EBF3: variants seen among roughly 807,000 people sequenced by gnomAD.
EBF3 encodes the protein transcription factor COE3.
A neutral mutation model predicts 77.1 loss-of-function variants in EBF3; 18 were observed. The observed-to-expected ratio is 0.23, with a 90% confidence interval of 0.16 to 0.35. The LOEUF (loss-of-function observed/expected upper bound fraction) is 0.35. Ranked by LOEUF, EBF3 falls within the 10% of genes least tolerant of loss-of-function variation. EBF3 has a pLI of 1.00. For missense variants in EBF3, 558 were observed against 860.0 expected (o/e 0.65, Z 4.39); for synonymous variants, 350 against 343.5 (o/e 1.02, Z -0.21).
rs2296547 is a variant in EBF3 at position 129,944,377 on chromosome 10, G to C, written c.554+12881C>G. Among the ~76,000 whole-genome samples the C allele has an allele frequency of 1.1e-4, 17 of 152,304 alleles. No individual in the cohort carries two copies. The East Asian group carries it at 2.9e-3, about 26-fold the overall frequency. ...TCAATGCCAATCAATTCTGAGCCTT[G>C]ATGTTAAATAGGGATCAATACCGCT... On this transcript the variant is annotated intron_variant, in intron 6 of 16. Coordinates refer to ENST00000440978, the MANE Select transcript of EBF3 (RefSeq NM_001375380.1). The surrounding 1 kb of genome is among the most constrained non-coding windows in gnomAD (Gnocchi z 5.1).
rs1053270232 is a variant in EBF3 at position 129,835,480 on chromosome 10, A to G, written c.*2463T>C. 17 of 152,284 alleles carry G rather than the reference A, an allele frequency of 1.1e-4. No individual in the cohort carries two copies. Among genetic ancestry groups the G allele is most frequent in the African/African-American group, 4.1e-4 (17 of 41,558 alleles). The allele number at this position is 152,284 out of a possible 1,614,324, so 9.4% of individuals were successfully genotyped here. On this transcript the variant is annotated 3_prime_UTR_variant, in exon 17 of 17. Transcript: ENST00000440978. ...ATTGACTACTTAACCTAAAACACAAACCAAGTGAGGGCATGGGGAAGCTGG... is the reference window on the plus strand; with the variant it reads ...ATTGACTACTTAACCTAAAACACAAGCCAAGTGAGGGCATGGGGAAGCTGG...
intron 6 of EBF3, among the ~76,000 whole-genome samples, chr10:129,949,235 A>G (rs1858474135): frequency 6.6e-6 from 1 of 152,220 alleles, no homozygotes; most frequent in South Asian, 2.1e-4. Flanking sequence ...CGGGAAGCGG[A>G]GGTTGCGGTG....
At chr10:129,918,660 C>T (rs1021844352) in intron 6 of EBF3, among the ~76,000 whole-genome samples, 2 of 152,202 alleles carry the variant, frequency 1.3e-5, no homozygotes, top group East Asian at 3.9e-4. Flanking sequence ...CAGCTCCCTG[C>T]CCCAGGGGCC....
intron 8 of EBF3, among the ~76,000 whole-genome samples, chr10:129,873,012 G>A (rs868028596): frequency 2.0e-5 from 3 of 151,820 alleles, no homozygotes; most frequent in Non-Finnish European, 4.4e-5. Flanking sequence ...GCACATACAC[G>A]TGGATCACAT....
At chr10:129,893,387 ACTCC>A (rs1227683458) in intron 6 of EBF3, among the ~76,000 whole-genome samples, 1 of 152,086 alleles carries the variant, frequency 6.6e-6, no homozygotes, top group Non-Finnish European at 1.5e-5. Flanking sequence ...ATAATGTACA[ACTCC>A]CTCCATTTAA....
chr10:129,838,978 T>C (rs1365109091), intron 16 of EBF3, 105 bp downstream of exon 16: 3 of 1,103,974 alleles, frequency 2.7e-6, no homozygotes, highest in Admixed American at 4.9e-5. Flanking sequence ...CCTGGTGTGG[T>C]GCCCGCTGAT....
intron 6 of EBF3, among the ~76,000 whole-genome samples, chr10:129,924,430 C>A (rs12778195): frequency 0.23 from 24,007 of 104,700 alleles, 2,469 homozygotes; most frequent in Non-Finnish European, 0.27. Flanking sequence ...ACAACAACAA[C>A]AAAAAAAAAA....
chr10:129,875,863 C>T (rs909652705), intron 7 of EBF3, among the ~76,000 whole-genome samples: 3 of 152,168 alleles, frequency 2.0e-5, no homozygotes, highest in African/African-American at 7.2e-5. Context: ...CCCAGGTGCC[C>T]CCCTTGTGTT....
intron 9 of EBF3, 37 bp downstream of exon 9, chr10:129,867,744 CA>C: frequency 5.6e-6 from 9 of 1,610,218 alleles, no homozygotes; most frequent in Non-Finnish European, 6.8e-6. Flanking sequence ...TTCATGAAGA[CA>C]GCAACAGCGC....
intron 6 of EBF3, among the ~76,000 whole-genome samples, chr10:129,956,481 G>A (rs1274569870): frequency 2.6e-5 from 4 of 152,202 alleles, no homozygotes; most frequent in Admixed American, 6.5e-5. Context: ...CAGCGAGTTG[G>A]GAGAGGGCTG....
chr10:129,859,773 C>T (rs1258688935), intron 10 of EBF3, among the ~76,000 whole-genome samples: 1 of 152,206 alleles, frequency 6.6e-6, no homozygotes, highest in African/African-American at 2.4e-5. Flanking sequence ...CGATTCCAGC[C>T]ATGGGCTGTT....
chr10:129,951,686 T>C (rs1041354885), intron 6 of EBF3, among the ~76,000 whole-genome samples: 1 of 152,244 alleles, frequency 6.6e-6, no homozygotes, highest in Non-Finnish European at 1.5e-5. Flanking sequence ...GGCCTGGTGG[T>C]GGCCCTGACC....
At chr10:129,894,542 G>A (rs1564865024) in intron 6 of EBF3, among the ~76,000 whole-genome samples, 1 of 152,130 alleles carries the variant, frequency 6.6e-6, no homozygotes, top group Non-Finnish European at 1.5e-5. Context: ...CCCCGCCTCT[G>A]TGCCCCAGCT....
At position 129,835,779 on chromosome 10, in the gene EBF3, C is replaced by T. The variant is rs925653377; in HGVS notation, c.*2164G>A. 5 of 151,674 alleles carry T rather than the reference C, an allele frequency of 3.3e-5. No homozygotes were observed. Among genetic ancestry groups the T allele is most frequent in the South Asian group, 2.1e-4 (1 of 4,794 alleles). The allele number at this position is 151,674 out of a possible 1,614,324, so 9.4% of individuals were successfully genotyped here. On this transcript the variant is annotated 3_prime_UTR_variant, in exon 17 of 17. Coordinates refer to ENST00000440978, the MANE Select transcript of EBF3 (RefSeq NM_001375380.1). ...AAGTCCCTCCTTTTTGTTTTAAATT[C>T]GATTTCTGCTGCAGTTTGCAAAATG...
rs1859650105 is a variant in EBF3, at chr10:129,963,062, A to G, written c.292-57T>C. 1 of 1,604,338 alleles carries G rather than the reference A, an allele frequency of 6.2e-7. No homozygotes were observed. Among genetic ancestry groups the G allele is most frequent in the African/African-American group, 1.3e-5 (1 of 74,846 alleles). ...GCGATCGGTGTCAGGCGCGGCCACCACGCTCGGTCCCCCTCCGCGACCGAG... is the reference window on the plus strand; with the variant it reads ...GCGATCGGTGTCAGGCGCGGCCACCGCGCTCGGTCCCCCTCCGCGACCGAG... On this transcript the variant is annotated intron_variant, in intron 2 of 16. Transcript: ENST00000440978. The surrounding 1 kb of genome is among the most constrained non-coding windows in gnomAD (Gnocchi z 7.1).
chr10:129,924,800 G>A (rs1856552643), intron 6 of EBF3, among the ~76,000 whole-genome samples: 1 of 152,118 alleles, frequency 6.6e-6, no homozygotes, highest in African/African-American at 2.4e-5. Context: ...TTGAGTAGCT[G>A]TGACCACAGG....
intron 10 of EBF3, among the ~76,000 whole-genome samples, chr10:129,853,637 A>T (rs1440778167): frequency 6.6e-6 from 1 of 152,182 alleles, no homozygotes; most frequent in African/African-American, 2.4e-5. Flanking sequence ...TAACAGGGAG[A>T]CCCAGACCCT....
At chr10:129,900,611 T>G (rs750358065) in intron 6 of EBF3, among the ~76,000 whole-genome samples, 1 of 152,212 alleles carries the variant, frequency 6.6e-6, no homozygotes, top group Non-Finnish European at 1.5e-5. Context: ...GGCCTCCAGT[T>G]CTCCTCACTT....
chr10:129,884,863 C>G (rs934686861), intron 6 of EBF3, among the ~76,000 whole-genome samples: 1 of 152,168 alleles, frequency 6.6e-6, no homozygotes, highest in Admixed American at 6.5e-5. Context: ...TAGCCGAGCC[C>G]GTCTCTAGTG....
Sources: allele counts gnomAD v4.1 joint callset (sites outside exome capture counted in the v4.1 genomes callset), GRCh38; gene constraint gnomAD v4.1.1; non-coding constraint Gnocchi (gnomAD v3.1); transcripts MANE v1.5; gene names NCBI Gene and HGNC (gene_info 2026-07-23, HGNC 2026-07-21).